The following GRID1 variants were observed in gnomAD, a reference collection of about 807,000 sequenced individuals.
GRID1 encodes the protein glutamate ionotropic receptor delta type subunit 1, also known as glutamate receptor ionotropic, delta-1.
Under a neutral mutation model 98.0 loss-of-function variants are expected in GRID1, and 28 were observed. The observed-to-expected ratio is 0.29, with a 90% CI of 0.21 to 0.39. The LOEUF (loss-of-function observed/expected upper bound fraction) is 0.39, where lower values mean the gene tolerates loss of function less well. Among genes scored for constraint, GRID1 ranks in the 10% least tolerant of loss-of-function variants. GRID1 has a pLI of 1.00. For missense variants in GRID1, 1,111 were observed against 1,340.5 expected, an observed-to-expected ratio of 0.83 and a Z score of 2.67; for synonymous variants, 553 against 538.5, an observed-to-expected ratio of 1.03 and a Z score of -0.37.
intron 2 of GRID1, chr10:86,264,557 A>G (rs1198678388): frequency 2.3e-6 from 1 of 435,756 alleles, no homozygotes; most frequent in African/African-American, 2.0e-5. Context: ...TGGCCACTCC[A>G]CCTGGAGAGC....
chr10:86,153,210 C>T (rs1266624308), intron 3 of GRID1, among the ~76,000 whole-genome samples: 2 of 152,128 alleles, frequency 1.3e-5, no homozygotes, highest in Non-Finnish European at 2.9e-5. Flanking sequence ...GGAAGGCCTC[C>T]CTGACTGACA....
chr10:85,824,275 G>A (rs1266027568), intron 8 of GRID1, among the ~76,000 whole-genome samples: 4 of 152,102 alleles, frequency 2.6e-5, no homozygotes, highest in Non-Finnish European at 4.4e-5. Context: ...GCAGTGGTGC[G>A]ATCTTGGCTC....
chr10:86,020,110 G>T (rs759152822), intron 4 of GRID1, among the ~76,000 whole-genome samples: 1 of 152,234 alleles, frequency 6.6e-6, no homozygotes, highest in African/African-American at 2.4e-5. Context: ...CAACAAGCAC[G>T]TTTAGCATTC....
chr10:85,835,359 A>G (rs1260346101), intron 8 of GRID1, among the ~76,000 whole-genome samples: 2 of 152,206 alleles, frequency 1.3e-5, no homozygotes, highest in African/African-American at 4.8e-5. Context: ...GAATTGTAAT[A>G]ATCCCCACAT....
chr10:86,229,737 C>T lies in GRID1; in HGVS notation c.236-23089G>A, dbSNP rs115314945. On this transcript the variant is annotated intron_variant, in intron 2 of 15. Coordinates refer to ENST00000327946, the MANE Select transcript of GRID1 (RefSeq NM_017551.3). ...TGGCCAGGGCAGACAGCCGGGCGTG[C>T]GGGCCAGCCAAGTCCACCTACCCAT... Among the ~76,000 whole-genome samples the T allele has an allele frequency of 9.1e-3, 1,381 of 152,262 alleles. 19 individuals are homozygous for T. The highest frequency in any genetic ancestry group is 0.031 in the Middle Eastern group (9 of 294).
intron 8 of GRID1, among the ~76,000 whole-genome samples, chr10:85,823,714 A>C (rs1250776838): frequency 6.6e-6 from 1 of 152,158 alleles, no homozygotes; most frequent in African/African-American, 2.4e-5. Flanking sequence ...AAACTTTAAA[A>C]CAGTCAGGGG....
chr10:86,353,673 C>T (rs192956834), intron 2 of GRID1, among the ~76,000 whole-genome samples: 1 of 152,332 alleles, frequency 6.6e-6, no homozygotes, highest in East Asian at 1.9e-4. Context: ...AGTTGGGGTT[C>T]TGTGATAAGG....
At position 85,878,141 on chromosome 10, in the gene GRID1, T is replaced by G. The variant is rs561120635; in HGVS notation, c.781-8961A>C. 4.6e-5 allele frequency among the ~76,000 whole-genome samples: 7 copies of G among 152,294 alleles called. No individual in the cohort carries two copies. The South Asian group carries it at 1.5e-3, about 32-fold the overall frequency. ...TATGTGAAAAGACCAAATCTACGTC[T>G]GATTGGTGTACCTGAAAGTGACGGG... On this transcript the variant is annotated intron_variant, in intron 5 of 15. Transcript: ENST00000327946.
At chr10:86,106,731 G>A (rs1426076295) in intron 4 of GRID1, among the ~76,000 whole-genome samples, 1 of 152,162 alleles carries the variant, frequency 6.6e-6, no homozygotes, top group African/African-American at 2.4e-5. Context: ...TTGGTGAGGT[G>A]CACGGGCATG....
intron 12 of GRID1, among the ~76,000 whole-genome samples, chr10:85,718,798 T>C (rs1326656186): frequency 1.3e-5 from 2 of 152,190 alleles, no homozygotes; most frequent in East Asian, 1.9e-4. Context: ...CTGGAGACAT[T>C]TTCCCCACGG....
intron 4 of GRID1, among the ~76,000 whole-genome samples, chr10:85,936,707 C>CTTTGCCCT (rs981484243): frequency 7.2e-5 from 11 of 152,098 alleles, no homozygotes; most frequent in African/African-American, 2.7e-4. Flanking sequence ...ATAAGGATCC[C>CTTTGCCCT]TTTGCCCTTG....
chr10:86,136,379 A>G (rs1844925125), intron 4 of GRID1, among the ~76,000 whole-genome samples: 3 of 152,212 alleles, frequency 2.0e-5, no homozygotes, highest in Admixed American at 2.0e-4. Context: ...TGAAGCCAGC[A>G]TGCCCTATTT....
At chr10:85,985,183 T>G (rs1361542136) in intron 4 of GRID1, among the ~76,000 whole-genome samples, 1 of 152,188 alleles carries the variant, frequency 6.6e-6, no homozygotes, top group Admixed American at 6.5e-5. Flanking sequence ...CCATTTAATC[T>G]TCACAATAGT....
At chr10:86,005,105 A>C (rs1431133296) in intron 4 of GRID1, among the ~76,000 whole-genome samples, 1 of 152,204 alleles carries the variant, frequency 6.6e-6, no homozygotes, top group Non-Finnish European at 1.5e-5. Flanking sequence ...GGCATGCCTC[A>C]GCTCTGCTAG....
intron 4 of GRID1, among the ~76,000 whole-genome samples, chr10:86,033,478 G>A (rs1299595665): frequency 2.0e-5 from 3 of 151,990 alleles, no homozygotes; most frequent in Non-Finnish European, 2.9e-5. Context: ...GTGTAGATGA[G>A]ATAAGAAGTG....
chr10:85,856,434 A>C (rs1843110596), intron 6 of GRID1, among the ~76,000 whole-genome samples: 1 of 152,240 alleles, frequency 6.6e-6, no homozygotes, highest in Admixed American at 6.5e-5. Context: ...TACATCAACA[A>C]GGAGAACCCT....
intron 5 of GRID1, among the ~76,000 whole-genome samples, chr10:85,892,629 T>TA (rs976384164): frequency 2.4e-4 from 35 of 146,110 alleles, no homozygotes; most frequent in Admixed American, 5.5e-4. Flanking sequence ...AAATAAAAGG[T>TA]AAAAAAAAAA....
rs1453270664 is a variant in GRID1 at position 85,600,932 on chromosome 10, C to G, written c.*1341G>C. On this transcript the variant is annotated 3_prime_UTR_variant, in exon 16 of 16. Transcript: ENST00000327946. ...TTGCTGCTTGAAGAGGACTCCAGGT[C>G]TGGTCTGGAGAGGGTCGTAAAGGTG... 6.6e-6 allele frequency: 1 copy of G among 152,362 alleles called. No individual in the cohort carries two copies. Among genetic ancestry groups the G allele is most frequent in the Non-Finnish European group, 1.5e-5 (1 of 68,230 alleles). The allele number at this position is 152,362 out of a possible 1,614,324, so 9.4% of individuals were successfully genotyped here.
intron 4 of GRID1, among the ~76,000 whole-genome samples, chr10:86,002,769 A>G (rs1564647132): frequency 6.6e-6 from 1 of 152,218 alleles, no homozygotes; most frequent in Non-Finnish European, 1.5e-5. Flanking sequence ...GCATTTCAAA[A>G]CCGTGGTTAA....
Sources: gnomAD v4.1 joint callset for allele counts (sites outside exome capture counted in the v4.1 genomes callset) on GRCh38, gnomAD v4.1.1 for gene constraint, MANE v1.5 for transcripts, NCBI Gene and HGNC (gene_info 2026-07-23, HGNC 2026-07-21) for gene names.